NXPE4: variants seen among roughly 807,000 people sequenced by gnomAD.
NXPE4 encodes NXPE family member 4.
A neutral mutation model predicts 33.3 loss-of-function variants in NXPE4; 42 were observed. The observed-to-expected ratio is 1.26, with a 90% CI of 0.98 to 1.63. The LOEUF (loss-of-function observed/expected upper bound fraction) is 1.63. Among genes scored for constraint, NXPE4 ranks in the 40% most tolerant of loss-of-function variants. The pLI, the probability that NXPE4 is intolerant of heterozygous loss-of-function variation, is 0.00. For missense variants in NXPE4, 709 were observed against 647.6 expected (o/e 1.09, Z -1.03); for synonymous variants, 253 against 234.9 (o/e 1.08, Z -0.71).
chr11:114,583,970 A>AT (rs1949221348), intron 2 of NXPE4: 1 of 375,916 alleles, frequency 2.7e-6, no homozygotes, highest in Non-Finnish European at 5.2e-6. Context: ...CTATGAGGCC[A>AT]TTTTCAAACT....
chr11:114,636,227 C>T, the NXPE4 span, among the ~76,000 whole-genome samples: 1 of 152,008 alleles, frequency 6.6e-6, no homozygotes, highest in East Asian at 1.9e-4. Context: ...TCCATTTTTT[C>T]TAGATTCTCT....
the NXPE4 span, among the ~76,000 whole-genome samples, chr11:114,624,043 C>G: frequency 6.7e-6 from 1 of 150,310 alleles, no homozygotes; most frequent in Non-Finnish European, 1.5e-5. Flanking sequence ...CCACTGTTAC[C>G]TGGTGGATAA....
At chr11:114,639,889 A>G in the NXPE4 span, among the ~76,000 whole-genome samples, 1 of 112,392 alleles carries the variant, frequency 8.9e-6, no homozygotes, top group East Asian at 2.5e-4. Context: ...AAAATATGTT[A>G]TATATTATAT....
At chr11:114,581,426 A>T (rs1204027632) in intron 4 of NXPE4, among the ~76,000 whole-genome samples, 1 of 152,130 alleles carries the variant, frequency 6.6e-6, no homozygotes, top group Non-Finnish European at 1.5e-5. Flanking sequence ...TGAGGTAAAG[A>T]AGTGGGTATA....
the NXPE4 span, among the ~76,000 whole-genome samples, chr11:114,647,890 C>T: frequency 2.0e-5 from 3 of 151,978 alleles, no homozygotes; most frequent in South Asian, 2.1e-4. Context: ...TTAGTAGAGA[C>T]GAGGTTTCAC....
At chr11:114,607,973 C>A in the NXPE4 span, among the ~76,000 whole-genome samples, 1 of 151,682 alleles carries the variant, frequency 6.6e-6, no homozygotes, top group East Asian at 1.9e-4. Flanking sequence ...TAAGTGTTGC[C>A]TCGTGAGTCA....
chr11:114,672,958 A>C, the NXPE4 span, among the ~76,000 whole-genome samples: 110 of 151,384 alleles, frequency 7.3e-4, no homozygotes, highest in African/African-American at 2.5e-3. Context: ...TAGACCACAC[A>C]GATGTCTATA....
the NXPE4 span, among the ~76,000 whole-genome samples, chr11:114,639,257 A>G: frequency 2.0e-5 from 3 of 152,102 alleles, no homozygotes; most frequent in Admixed American, 2.0e-4. Flanking sequence ...CTGTGGGCAT[A>G]GGACCCTCCG....
the NXPE4 span, among the ~76,000 whole-genome samples, chr11:114,670,984 A>C: frequency 2.7e-5 from 4 of 150,384 alleles, no homozygotes; most frequent in African/African-American, 9.7e-5. Flanking sequence ...TAAAAAAAGA[A>C]AGGAAATTAT....
Position 114,594,769 on chromosome 11 carries a change from C to G in NXPE4, c.-10G>C. 1 of 1,352,594 alleles carries G rather than the reference C, an allele frequency of 7.4e-7. No individual in the cohort carries two copies. Among genetic ancestry groups the G allele is most frequent in the East Asian group, 2.3e-5 (1 of 43,280 alleles). 83.8% of individuals were successfully genotyped at this position (1,352,594 alleles called of 1,614,324 possible). On this transcript the variant is annotated splice_region_variant and 5_prime_UTR_variant, in exon 2 of 6. Transcript: ENST00000375478. ...TCATACTTATTTTCATGATTAGGAT[C>G]CTACAAGAGACAATACAAAAACAAG...
intron 3 of NXPE4, 34 bp from the exon 4 acceptor site, chr11:114,581,820 G>C (rs373358602): frequency 6.8e-7 from 1 of 1,463,900 alleles, no homozygotes; most frequent in Non-Finnish European, 9.5e-7. Flanking sequence ...TAATCTGTAG[G>C]TGGCCTCAAA....
the NXPE4 span, among the ~76,000 whole-genome samples, chr11:114,650,737 A>T: frequency 1.3e-5 from 2 of 152,188 alleles, no homozygotes. Context: ...AACCATGGAT[A>T]CAAGGCAGAG....
At chr11:114,627,395 C>T in the NXPE4 span, among the ~76,000 whole-genome samples, 1 of 151,636 alleles carries the variant, frequency 6.6e-6, no homozygotes, top group Admixed American at 6.6e-5. Flanking sequence ...ATTTTCAACC[C>T]AGAATTTCAT....
the NXPE4 span, among the ~76,000 whole-genome samples, chr11:114,621,885 G>T: frequency 1.3e-5 from 2 of 151,884 alleles, no homozygotes; most frequent in South Asian, 4.1e-4. Context: ...TGGATAATAA[G>T]TATTGATTTG....
chr11:114,629,819 A>G, the NXPE4 span, among the ~76,000 whole-genome samples: 841 of 151,038 alleles, frequency 5.6e-3, 9 homozygotes, highest in Non-Finnish European at 9.2e-3. Flanking sequence ...CAACTTCAGC[A>G]AAGTCTCAGG....
At chr11:114,677,519 G>A in the NXPE4 span, among the ~76,000 whole-genome samples, 4 of 152,054 alleles carry the variant, frequency 2.6e-5, no homozygotes, top group African/African-American at 4.8e-5. Context: ...GAGTGGGGAA[G>A]AATTGGCAGG....
At chr11:114,591,109 G>T (rs979435721) in intron 2 of NXPE4, among the ~76,000 whole-genome samples, 1 of 152,162 alleles carries the variant, frequency 6.6e-6, no homozygotes, top group East Asian at 1.9e-4. Context: ...CAGTTCTTTT[G>T]TAGAGCAAGA....
At chr11:114,632,217 ATGTATATATGTATAATATATATGTATATG>A in the NXPE4 span, among the ~76,000 whole-genome samples, 2 of 140,796 alleles carry the variant, frequency 1.4e-5, no homozygotes, top group South Asian at 2.1e-4. Context: ...ATATATGTAT[ATGTATATATGTATAATATATATGTATATG>A]TGTATATATG....
the NXPE4 span, among the ~76,000 whole-genome samples, chr11:114,602,415 C>T: frequency 7.7e-6 from 1 of 129,770 alleles, no homozygotes; most frequent in East Asian, 2.2e-4. Context: ...CACTATTGAA[C>T]ATATCAATAA....
Sources: allele counts gnomAD v4.1 joint callset (sites outside exome capture counted in the v4.1 genomes callset), GRCh38; gene constraint gnomAD v4.1.1; transcripts MANE v1.5; gene names NCBI Gene and HGNC (gene_info 2026-07-23, HGNC 2026-07-21).